Variants in PTPN4 observed in about 807,000 individuals in gnomAD.
PTPN4 encodes protein tyrosine phosphatase non-receptor type 4.
Under a neutral mutation model 135.5 loss-of-function variants are expected in PTPN4, and 49 were observed. The observed-to-expected ratio is 0.36, with a 90% CI of 0.29 to 0.46. The LOEUF is 0.46. Among genes scored for constraint, PTPN4 ranks in the 20% least tolerant of loss-of-function variants. The pLI is 1.00. For missense variants in PTPN4, 860 were observed against 1,101.0 expected, an observed-to-expected ratio of 0.78 and a Z score of 3.10; for synonymous variants, 333 against 369.9, an observed-to-expected ratio of 0.90 and a Z score of 1.14.
At chr2:119,849,351 A>C (rs1229438200) in intron 2 of PTPN4, among the ~76,000 whole-genome samples, 1 of 152,126 alleles carries the variant, frequency 6.6e-6, no homozygotes, top group Non-Finnish European at 1.5e-5. Context: ...CCCAGGCTGA[A>C]GTGCAGTGGT....
chr2:119,809,971 G>A lies in PTPN4; in HGVS notation c.118G>A (p.Val40Ile). The change falls in exon 2 of 27, where the codon GTA (valine) becomes ATA (isoleucine). Residue 40 changes from valine (V) to isoleucine (I), a missense_variant. This residue lies in a region of PTPN4 where 684 missense variants were observed against 807.0 expected (regional missense o/e 0.85). Transcript: ENST00000263708. ...VCNILLLDNT[V>I]QAFKVNKHDQ... ...CAACATCCTTCTTCTGGATAACACT[G>A]TACAAGCTTTCAAAGTCAATGTAAG... The A allele has an allele frequency of 6.2e-7, 1 of 1,608,026 alleles. No homozygotes were observed.
intron 2 of PTPN4, among the ~76,000 whole-genome samples, chr2:119,826,598 CA>C (rs1162770656): frequency 6.6e-6 from 1 of 152,158 alleles, no homozygotes; most frequent in East Asian, 1.9e-4. Context: ...AACTTCCTTA[CA>C]ATACACAGTA....
At chr2:119,781,151 C>A (rs925610922) in intron 1 of PTPN4, among the ~76,000 whole-genome samples, 2 of 152,122 alleles carry the variant, frequency 1.3e-5, no homozygotes, top group African/African-American at 4.8e-5. Context: ...GGGCTTACTT[C>A]CTTACTTACC....
At chr2:119,889,251 C>G (rs915220108) in intron 9 of PTPN4, among the ~76,000 whole-genome samples, 3 of 152,096 alleles carry the variant, frequency 2.0e-5, no homozygotes, top group African/African-American at 7.2e-5. Flanking sequence ...AACCCCGTCT[C>G]TACTAAAAAT....
chr2:119,804,300 T>C (rs1051483299), intron 1 of PTPN4, among the ~76,000 whole-genome samples: 1 of 152,084 alleles, frequency 6.6e-6, no homozygotes, highest in South Asian at 2.1e-4. Flanking sequence ...TTAATTATAC[T>C]TTAAGTTCTA....
intron 9 of PTPN4, among the ~76,000 whole-genome samples, chr2:119,900,387 G>A (rs1012784869): frequency 3.3e-5 from 5 of 152,018 alleles, no homozygotes; most frequent in Non-Finnish European, 5.9e-5. Flanking sequence ...TTTAGGAATG[G>A]TAAAATGAAT....
chr2:119,924,392 A>G (rs1678785108), intron 12 of PTPN4, among the ~76,000 whole-genome samples: 1 of 152,008 alleles, frequency 6.6e-6, no homozygotes, highest in Non-Finnish European at 1.5e-5. Flanking sequence ...AGCCTTTTTA[A>G]TGTTTATATA....
At chr2:119,804,732 A>G (rs1574343016) in intron 1 of PTPN4, among the ~76,000 whole-genome samples, 2 of 152,206 alleles carry the variant, frequency 1.3e-5, no homozygotes, top group Non-Finnish European at 2.9e-5. Flanking sequence ...TAGTGCTGCA[A>G]CAAACATACA....
chr2:119,960,065 A>C (rs181728226), intron 22 of PTPN4, among the ~76,000 whole-genome samples: 11 of 152,326 alleles, frequency 7.2e-5, no homozygotes, highest in Admixed American at 2.6e-4. Context: ...ATATGTTTAT[A>C]TGTTGTATAT....
chr2:119,834,173 A>G (rs12612848), intron 2 of PTPN4, among the ~76,000 whole-genome samples: 42,928 of 152,106 alleles, frequency 0.28, 7,535 homozygotes, highest in East Asian at 0.48. Flanking sequence ...ATGTGCTGGG[A>G]ACATTTCAAA....
intron 3 of PTPN4, among the ~76,000 whole-genome samples, chr2:119,867,793 A>G (rs1229070057): frequency 6.6e-6 from 1 of 152,226 alleles, no homozygotes; most frequent in East Asian, 1.9e-4. Context: ...GCTAATACAC[A>G]TTACTGTTAG....
intron 2 of PTPN4, among the ~76,000 whole-genome samples, chr2:119,841,111 T>C (rs1207168312): frequency 6.6e-6 from 1 of 152,108 alleles, no homozygotes; most frequent in Non-Finnish European, 1.5e-5. Flanking sequence ...CATTTGTCAA[T>C]TTTTGCTTTT....
intron 2 of PTPN4, among the ~76,000 whole-genome samples, chr2:119,836,852 G>A (rs1447625996): frequency 1.3e-5 from 2 of 152,184 alleles, no homozygotes; most frequent in East Asian, 1.9e-4. Flanking sequence ...CTTCTGCCTC[G>A]GCCCCCTCTG....
intron 1 of PTPN4, among the ~76,000 whole-genome samples, chr2:119,793,928 T>G (rs1691203290): frequency 8.0e-6 from 1 of 125,492 alleles, no homozygotes; most frequent in Non-Finnish European, 1.6e-5. Context: ...TAATCATAGC[T>G]CACAGCAGCC....
chr2:119,946,809 G>A (rs1679141672), intron 18 of PTPN4: 1 of 417,966 alleles, frequency 2.4e-6, no homozygotes, highest in African/African-American at 2.1e-5. Flanking sequence ...TGCTTCTAAA[G>A]CATTAACAGA....
intron 20 of PTPN4, 150 bp from the exon 21 acceptor site, chr2:119,956,694 A>C: frequency 7.8e-7 from 1 of 1,274,792 alleles, no homozygotes. Context: ...CTGGTTCAGT[A>C]CTCTACTAGA....
intron 2 of PTPN4, among the ~76,000 whole-genome samples, chr2:119,838,063 G>A (rs777001549): frequency 1.4e-4 from 21 of 152,234 alleles, no homozygotes; most frequent in Non-Finnish European, 2.6e-4. Flanking sequence ...CAGGAAGGCC[G>A]TTTAATTCAG....
At chr2:119,802,423 A>G (rs1691394447) in intron 1 of PTPN4, among the ~76,000 whole-genome samples, 1 of 152,154 alleles carries the variant, frequency 6.6e-6, no homozygotes, top group Non-Finnish European at 1.5e-5. Flanking sequence ...TTTATTATGA[A>G]TGGGTGGTGA....
Position 119,982,736 on chromosome 2 carries a change from C to T in PTPN4, c.*5666C>T, listed in dbSNP as rs886333272. On this transcript the variant is annotated 3_prime_UTR_variant, in exon 27 of 27. Coordinates refer to ENST00000263708, the MANE Select transcript of PTPN4 (RefSeq NM_002830.4). Reference sequence around the variant, plus strand: ...TGAGGACATTGTTGTGAGGGTGTGACTTTTGTGAAGCCAGAAAACTGTGCC... The same window carrying T: ...TGAGGACATTGTTGTGAGGGTGTGATTTTTGTGAAGCCAGAAAACTGTGCC... 6.6e-6 allele frequency: 1 copy of T among 152,112 alleles called. No homozygotes were observed. The highest frequency in any genetic ancestry group is 1.5e-5 in the Non-Finnish European group (1 of 68,042). The allele number at this position is 152,112 out of a possible 1,614,324, so 9.4% of individuals were successfully genotyped here. A position where few individuals can be genotyped will look rare whatever the true frequency, so the allele number is the denominator to read the frequency against.
Sources: gnomAD v4.1 joint callset for allele counts (sites outside exome capture counted in the v4.1 genomes callset) on GRCh38, gnomAD v4.1.1 for gene constraint, gnomAD v4.1.1 regional missense constraint, MANE v1.5 for transcripts, NCBI Gene and HGNC (gene_info 2026-07-23, HGNC 2026-07-21) for gene names.